The following RNF145 variants were observed in gnomAD, a reference collection of about 807,000 sequenced individuals.
RNF145 encodes the protein ring finger protein 145.
A neutral mutation model predicts 57.3 loss-of-function variants in RNF145; 12 were observed. The ratio of observed to expected loss-of-function variants is 0.21; its 90% CI spans 0.13 to 0.34. The LOEUF is 0.34. Among genes scored for constraint, RNF145 ranks in the 10% least tolerant of loss-of-function variants. RNF145 has a pLI of 1.00. For missense variants in RNF145, 429 were observed against 799.0 expected, an observed-to-expected ratio of 0.54 and a Z score of 5.58; for synonymous variants, 262 against 288.3, an observed-to-expected ratio of 0.91 and a Z score of 0.92.
chr5:159,161,377 C>A lies in RNF145; in HGVS notation c.1515G>T (p.Gly505=), dbSNP rs115524549. The change falls in exon 10 of 11, where the codon GGG becomes GGT. Residue 505 remains glycine (G), a synonymous_variant. Coordinates refer to ENST00000424310, the MANE Select transcript of RNF145 (RefSeq NM_001199383.2). ...YYNVWLRAQL[G]WKSFLLRRDA... ...CCCTGCGGAGAAGAAAGCTCTTCCA[C>A]CCCAGCTGGGCCCGAAGCCACACGT... is the stretch of plus-strand genomic sequence containing the variant. The A allele has an allele frequency of 3.9e-5, 63 of 1,614,106 alleles. No individual in the cohort carries two copies. The East Asian group carries it at 1.2e-3, about 32-fold the overall frequency.
chr5:159,186,099 C>T (rs1399330845), intron 3 of RNF145, among the ~76,000 whole-genome samples: 1 of 152,114 alleles, frequency 6.6e-6, no homozygotes. Context: ...CGTGGTAATG[C>T]CTATAGTCCC....
At chr5:159,194,655 T>C (rs764345546) in intron 3 of RNF145, 61 bp downstream of exon 3, 191 of 1,096,590 alleles carry the variant, frequency 1.7e-4, no homozygotes, top group Non-Finnish European at 2.3e-4. Flanking sequence ...AAAAGTATTT[T>C]ATTGGCAAAA....
chr5:159,170,602 G>A (rs908400620), intron 6 of RNF145, among the ~76,000 whole-genome samples: 3 of 151,990 alleles, frequency 2.0e-5, no homozygotes, highest in Admixed American at 6.6e-5. Context: ...TTATATATAC[G>A]TATATTTATT....
chr5:159,160,297 C>T (rs1784171603), intron 10 of RNF145, among the ~76,000 whole-genome samples: 1 of 152,104 alleles, frequency 6.6e-6, no homozygotes, highest in African/African-American at 2.4e-5. Context: ...GCCTGGAGAA[C>T]ATTGTTTAGC....
intron 1 of RNF145, chr5:159,207,758 ATCTCCACATAAACTACTAGCAATTCTG>A: frequency 6.2e-7 from 1 of 1,614,146 alleles, no homozygotes; most frequent in Non-Finnish European, 8.5e-7. Context: ...TATGTACCTG[ATCTCCACATAAACTACTAGCAATTCTG>A]TGGTTTCTCA....
intron 1 of RNF145, among the ~76,000 whole-genome samples, chr5:159,206,772 G>A (rs957755814): frequency 4.6e-5 from 7 of 152,086 alleles, no homozygotes; most frequent in Non-Finnish European, 1.0e-4. Context: ...AAACCGAAAG[G>A]TTTAACACAC....
intron 3 of RNF145, among the ~76,000 whole-genome samples, chr5:159,183,494 C>T (rs953407512): frequency 5.3e-5 from 8 of 152,016 alleles, no homozygotes; most frequent in Non-Finnish European, 1.2e-4. Context: ...TGTAGAAAGA[C>T]ACAAATGCAA....
chr5:159,188,523 C>CT (rs1197376505), intron 3 of RNF145, among the ~76,000 whole-genome samples: 1 of 151,968 alleles, frequency 6.6e-6, no homozygotes, highest in Non-Finnish European at 1.5e-5. Flanking sequence ...TATGGTTTTT[C>CT]TTTTTTCCCC....
chr5:159,168,517 A>G (rs1784453770), intron 8 of RNF145, among the ~76,000 whole-genome samples: 1 of 152,148 alleles, frequency 6.6e-6, no homozygotes, highest in Non-Finnish European at 1.5e-5. Flanking sequence ...AAAATTAAAT[A>G]TTATTTGTTA....
intron 4 of RNF145, among the ~76,000 whole-genome samples, chr5:159,177,227 A>G (rs1217024370): frequency 6.6e-6 from 1 of 152,086 alleles, no homozygotes; most frequent in East Asian, 1.9e-4. Context: ...AAGGTACGCA[A>G]TATTTAACTG....
At position 159,209,304 on chromosome 5, in the gene RNF145, C is replaced by T. The variant is rs1786021546; in HGVS notation, c.-113G>A. 2.0e-6 allele frequency: 2 copies of T among 985,396 alleles called. No homozygotes were observed. Among genetic ancestry groups the T allele is most frequent in the African/African-American group, 1.7e-5 (1 of 57,212 alleles). The allele number at this position is 985,396 out of a possible 1,614,324, so 61.0% of individuals were successfully genotyped here. On this transcript the variant is annotated 5_prime_UTR_variant, in exon 1 of 11. Coordinates refer to ENST00000424310, the MANE Select transcript of RNF145 (RefSeq NM_001199383.2). ...GCTCCGCAACTCCCCGGCTCTCTCGCCCGCCCTCCCGTTCTCCTCGGGCGG... is the reference window on the plus strand; with the variant it reads ...GCTCCGCAACTCCCCGGCTCTCTCGTCCGCCCTCCCGTTCTCCTCGGGCGG...
chr5:159,174,934 A>C (rs1418165688), intron 5 of RNF145, among the ~76,000 whole-genome samples: 1 of 152,218 alleles, frequency 6.6e-6, no homozygotes. Flanking sequence ...TAGAGTTACT[A>C]TGTCAGGGAC....
intron 3 of RNF145, among the ~76,000 whole-genome samples, chr5:159,184,952 G>C (rs940958301): frequency 2.0e-5 from 3 of 152,104 alleles, no homozygotes; most frequent in African/African-American, 4.8e-5. Flanking sequence ...AGGCCACAAT[G>C]ACAGCCCTGA....
intron 5 of RNF145, among the ~76,000 whole-genome samples, chr5:159,174,648 T>G (rs143327643): frequency 2.2e-4 from 33 of 152,158 alleles, no homozygotes; most frequent in African/African-American, 7.2e-4. Context: ...GAAAAAAATT[T>G]TGCAGAGCAA....
intron 3 of RNF145, among the ~76,000 whole-genome samples, chr5:159,190,523 C>CA (rs1190016581): frequency 1.3e-5 from 2 of 151,834 alleles, no homozygotes; most frequent in East Asian, 1.9e-4. Flanking sequence ...CCCATCTCTA[C>CA]AAAAAAATAT....
intron 2 of RNF145, among the ~76,000 whole-genome samples, chr5:159,196,819 C>G (rs2113219000): frequency 6.6e-6 from 1 of 152,302 alleles, no homozygotes; most frequent in South Asian, 2.1e-4. Flanking sequence ...TTTCTAATGT[C>G]TATTACATGA....
Position 159,167,878 on chromosome 5 carries a change from T to C in RNF145, c.1121+995A>G, listed in dbSNP as rs7728606. Reference sequence around the variant, plus strand: ...ATACAAAGATGAATCTGATGTACTATAATTAAAATGTTAATTTGGAATGTT... The same window carrying C: ...ATACAAAGATGAATCTGATGTACTACAATTAAAATGTTAATTTGGAATGTT... On this transcript the variant is annotated intron_variant, in intron 8 of 10. Coordinates refer to ENST00000424310, the MANE Select transcript of RNF145 (RefSeq NM_001199383.2). Among the ~76,000 whole-genome samples the C allele has an allele frequency of 3.4e-3, 511 of 152,338 alleles. 4 individuals carry two copies. Among genetic ancestry groups the C allele is most frequent in the African/African-American group, 0.012 (486 of 41,580 alleles).
intron 1 of RNF145, 63 bp from the exon 2 acceptor site, chr5:159,203,719 C>T: frequency 1.9e-6 from 2 of 1,067,306 alleles, no homozygotes; most frequent in Non-Finnish European, 2.7e-6. Flanking sequence ...TTTAGATACC[C>T]TTTCACGAAT....
At chr5:159,186,569 A>C (rs1322718373) in intron 3 of RNF145, among the ~76,000 whole-genome samples, 1 of 152,210 alleles carries the variant, frequency 6.6e-6, no homozygotes, top group African/African-American at 2.4e-5. Flanking sequence ...TGGTACAAGA[A>C]ATCTCAGATG....
Sources: gnomAD v4.1 joint callset for allele counts (sites outside exome capture counted in the v4.1 genomes callset) on GRCh38, gnomAD v4.1.1 for gene constraint, MANE v1.5 for transcripts, NCBI Gene and HGNC (gene_info 2026-07-23, HGNC 2026-07-21) for gene names.